The following PAMR1 variants were observed in gnomAD, a reference collection of about 807,000 sequenced individuals.
The protein encoded by PAMR1 is peptidase domain containing associated with muscle regeneration 1, also known as inactive serine protease PAMR1.
A neutral mutation model predicts 81.8 loss-of-function variants in PAMR1; 88 were observed. That is an observed-to-expected ratio of 1.08 (90% confidence interval 0.91 to 1.28). The LOEUF is 1.28. Among genes scored for constraint, PAMR1 ranks in the 50% most tolerant of loss-of-function variants. The probability of loss-of-function intolerance (pLI) is 0.00; values close to 1 mark genes in which losing one functional copy is unlikely to be tolerated. For synonymous variants in PAMR1, 336 were observed against 345.3 expected, an observed-to-expected ratio of 0.97 and a Z score of 0.30; for missense variants, 935 against 919.7, an observed-to-expected ratio of 1.02 and a Z score of -0.21.
chr11:35,484,772 G>T (rs915285392), intron 3 of PAMR1, among the ~76,000 whole-genome samples: 5 of 152,154 alleles, frequency 3.3e-5, no homozygotes, highest in African/African-American at 1.2e-4. Flanking sequence ...GGACTGAAAG[G>T]CTGGGATCAC....
At chr11:35,520,126 T>C (rs1851244454) in intron 1 of PAMR1, among the ~76,000 whole-genome samples, 1 of 152,208 alleles carries the variant, frequency 6.6e-6, no homozygotes, top group East Asian at 1.9e-4. Context: ...TTCATTTCCT[T>C]AGGTATGCTA....
At chr11:35,433,123 T>C (rs1855949357) in intron 10 of PAMR1, among the ~76,000 whole-genome samples, 1 of 152,226 alleles carries the variant, frequency 6.6e-6, no homozygotes, top group Non-Finnish European at 1.5e-5. Context: ...AAGTGGACAG[T>C]TGAGGCTGCA....
intron 9 of PAMR1, 139 bp from the exon 10 acceptor site, chr11:35,434,943 T>A: frequency 2.7e-6 from 2 of 753,306 alleles, no homozygotes; most frequent in Non-Finnish European, 4.2e-6. Context: ...TAACCCAGTT[T>A]TCTTCTGCAT....
chr11:35,489,979 C>T (rs890529941), intron 3 of PAMR1, among the ~76,000 whole-genome samples: 4 of 152,218 alleles, frequency 2.6e-5, no homozygotes, highest in Admixed American at 6.5e-5. Flanking sequence ...AAAGACATAG[C>T]TGAGACTGGG....
upstream of PAMR1, among the ~76,000 whole-genome samples, chr11:35,528,702 T>C (rs1851426307): frequency 6.6e-6 from 1 of 152,272 alleles, no homozygotes; most frequent in African/African-American, 2.4e-5. Context: ...CCAACAAACC[T>C]GTTTGGCTAT....
rs903850373 is a variant in PAMR1, at chr11:35,470,797, C to T, written c.516G>A (p.Glu172=). The T allele has an allele frequency of 4.3e-6, 7 of 1,613,910 alleles. No homozygotes were observed. The highest frequency in any genetic ancestry group is 1.3e-5 in the African/African-American group (1 of 74,906). The change falls in exon 5 of 11, where the codon GAG becomes GAA. Residue 172 remains glutamate, a synonymous_variant. Coordinates refer to ENST00000619888, the MANE Select transcript of PAMR1 (RefSeq NM_001001991.3). ...AGTCATACTGGCACATGTAGTCAAA[C>T]TCCAGGCTCAACATGACAAATCTGT... ...IQLRFVMLSL[E]FDYMCQYDYV...
At chr11:35,484,831 C>T (rs898876257) in intron 3 of PAMR1, among the ~76,000 whole-genome samples, 3 of 152,162 alleles carry the variant, frequency 2.0e-5, no homozygotes, top group African/African-American at 7.2e-5. Flanking sequence ...TTGGGCCCTC[C>T]TGCTGCTCAT....
At chr11:35,504,368 T>C (rs181500420) in intron 1 of PAMR1, among the ~76,000 whole-genome samples, 1 of 152,300 alleles carries the variant, frequency 6.6e-6, no homozygotes, top group East Asian at 1.9e-4. Flanking sequence ...CGTCTGGTTT[T>C]GATAATAGGG....
At chr11:35,454,790 C>A (rs1367056181) in intron 6 of PAMR1, among the ~76,000 whole-genome samples, 1 of 152,154 alleles carries the variant, frequency 6.6e-6, no homozygotes, top group African/African-American at 2.4e-5. Flanking sequence ...CAAGTAGAGG[C>A]CAGGTCCTCG....
chr11:35,446,059 G>T (rs1856285077), intron 6 of PAMR1, among the ~76,000 whole-genome samples: 1 of 152,160 alleles, frequency 6.6e-6, no homozygotes, highest in African/African-American at 2.4e-5. Context: ...GTTCAGTCCT[G>T]GGAGGGTGTA....
intron 6 of PAMR1, among the ~76,000 whole-genome samples, chr11:35,461,022 G>A (rs964500452): frequency 4.0e-5 from 6 of 151,898 alleles, no homozygotes; most frequent in African/African-American, 1.5e-4. Context: ...GTGTGAGATG[G>A]TATCTCATTG....
chr11:35,443,898 G>T (rs115290654), intron 6 of PAMR1, among the ~76,000 whole-genome samples: 4 of 152,308 alleles, frequency 2.6e-5, no homozygotes, highest in African/African-American at 9.6e-5. Context: ...TCGCCATTGC[G>T]ACTGGCATGA....
chr11:35,479,185 C>G (rs1181477187), intron 3 of PAMR1, among the ~76,000 whole-genome samples: 1 of 152,122 alleles, frequency 6.6e-6, no homozygotes, highest in Non-Finnish European at 1.5e-5. Context: ...ACTGTTTCCT[C>G]TTAGAAAGAA....
chr11:35,479,388 A>G (rs1850340970), intron 3 of PAMR1, among the ~76,000 whole-genome samples: 1 of 152,234 alleles, frequency 6.6e-6, no homozygotes, highest in Admixed American at 6.5e-5. Context: ...TGTACCTGCA[A>G]CAATGTGTTT....
chr11:35,524,812 C>A (rs943006051), intron 1 of PAMR1, among the ~76,000 whole-genome samples: 1 of 152,202 alleles, frequency 6.6e-6, no homozygotes, highest in Non-Finnish European at 1.5e-5. Context: ...CCCAGAAGCC[C>A]ATTTGACCTG....
intron 1 of PAMR1, among the ~76,000 whole-genome samples, chr11:35,499,697 C>A (rs2256406): frequency 1.3e-5 from 2 of 151,832 alleles, no homozygotes; most frequent in African/African-American, 4.8e-5. Flanking sequence ...ACTGTTTACT[C>A]TATAGATAAG....
intron 8 of PAMR1, among the ~76,000 whole-genome samples, chr11:35,436,499 G>T (rs1158878486): frequency 1.3e-5 from 2 of 152,164 alleles, no homozygotes; most frequent in Admixed American, 1.3e-4. Flanking sequence ...TGTCCAGGCA[G>T]ATCTTGAACT....
At chr11:35,471,275 TG>T (rs1388583786) in intron 4 of PAMR1, among the ~76,000 whole-genome samples, 2 of 152,214 alleles carry the variant, frequency 1.3e-5, no homozygotes, top group Non-Finnish European at 2.9e-5. Flanking sequence ...CTTGACTTTT[TG>T]TGTGTCTATG....
upstream of PAMR1, among the ~76,000 whole-genome samples, chr11:35,528,479 T>C (rs1851424012): frequency 6.6e-6 from 1 of 152,252 alleles, no homozygotes; most frequent in South Asian, 2.1e-4. Flanking sequence ...TATTGTTCTT[T>C]TTAAAAATGC....
Sources: gnomAD v4.1 joint callset for allele counts (sites outside exome capture counted in the v4.1 genomes callset) on GRCh38, gnomAD v4.1.1 for gene constraint, MANE v1.5 for transcripts, NCBI Gene and HGNC (gene_info 2026-07-23, HGNC 2026-07-21) for gene names.